Variants in FAM3B observed in about 807,000 individuals in gnomAD.
FAM3B encodes FAM3 metabolism regulating signaling molecule B.
FAM3B carries 29 observed loss-of-function variants against 28.4 expected under a neutral mutation model. That is an observed-to-expected ratio of 1.02 (90% CI 0.76 to 1.39). The LOEUF is 1.39. Among genes scored for constraint, FAM3B ranks in the 40% most tolerant of loss-of-function variants. FAM3B has a pLI of 0.00. For missense variants in FAM3B, 266 were observed against 293.9 expected (o/e 0.91, Z 0.69); for synonymous variants, 91 against 103.0 (o/e 0.88, Z 0.71).
intron 1 of FAM3B, 54 bp from the exon 2 acceptor site, chr21:41,322,869 G>A: frequency 3.1e-6 from 5 of 1,614,132 alleles, no homozygotes; most frequent in African/African-American, 1.3e-5. Context: ...GAGGGCCAAG[G>A]GCCAGGGCCG....
chr21:41,355,781 A>C (rs2189512), intron 7 of FAM3B, among the ~76,000 whole-genome samples: 35,685 of 152,088 alleles, frequency 0.23, 5,488 homozygotes, highest in African/African-American at 0.44. Flanking sequence ...GTCTGTGACC[A>C]TGCTAAAACC....
intron 7 of FAM3B, among the ~76,000 whole-genome samples, chr21:41,352,574 C>T (rs2145834478): frequency 1.3e-5 from 2 of 152,180 alleles, no homozygotes; most frequent in Middle Eastern, 6.8e-3. Flanking sequence ...GCAGGCGGAT[C>T]ACGAGGTCAG....
chr21:41,335,950 T>C (rs928321889), intron 2 of FAM3B, among the ~76,000 whole-genome samples: 4 of 152,206 alleles, frequency 2.6e-5, no homozygotes, highest in Non-Finnish European at 5.9e-5. Flanking sequence ...CTCTACCCAG[T>C]GTTGATGTCC....
rs776326598 is a variant in FAM3B, at chr21:41,347,098, A to C, written c.483A>C (p.Thr161=). The part of the protein sequence containing the change: ...LFMVTYDDGS[T]RLNNDAKNAI... ...TGGTGACCTATGACGACGGAAGCACAAGGTGAGTGGGTGTAGGTCTGTCAC... is the reference window on the plus strand; with the variant it reads ...TGGTGACCTATGACGACGGAAGCACCAGGTGAGTGGGTGTAGGTCTGTCAC... The change falls in exon 6 of 8, where the codon ACA becomes ACC. Residue 161 remains threonine (T), a splice_region_variant and synonymous_variant. Transcript: ENST00000357985. 2.5e-6 allele frequency: 4 copies of C among 1,613,944 alleles called. No individual in the cohort carries two copies. In the African/African-American group the frequency reaches 5.3e-5, roughly 22 times the overall value.
At chr21:41,329,122 A>C (rs528087080) in intron 2 of FAM3B, among the ~76,000 whole-genome samples, 4 of 152,344 alleles carry the variant, frequency 2.6e-5, no homozygotes, top group Admixed American at 2.6e-4. Context: ...TTATGCGATG[A>C]AAACACTTAA....
At chr21:41,355,322 T>C (rs1386098346) in intron 7 of FAM3B, among the ~76,000 whole-genome samples, 1 of 152,164 alleles carries the variant, frequency 6.6e-6, no homozygotes, top group East Asian at 1.9e-4. Context: ...CTCTTGTAGG[T>C]ATATACCCAA....
upstream of FAM3B, among the ~76,000 whole-genome samples, chr21:41,315,244 T>C (rs772085072): frequency 2.0e-5 from 3 of 152,076 alleles, no homozygotes; most frequent in Non-Finnish European, 4.4e-5. Context: ...CTCAACTTCA[T>C]AGAAAAAGCA....
intron 7 of FAM3B, among the ~76,000 whole-genome samples, chr21:41,353,715 A>T (rs1369111560): frequency 6.6e-6 from 1 of 152,236 alleles, no homozygotes; most frequent in Non-Finnish European, 1.5e-5. Flanking sequence ...CTTAGAGGAA[A>T]ACAGAGGCAT....
In FAM3B at chr21:41,345,747, T is replaced by G. The variant is rs1381728141; in HGVS notation, c.397+11T>G. ...ATATGTATGAAGGTGGTAAGAAAAT[T>G]TTTTCTGTTAAAATTCAAATGAATT... is the stretch of plus-strand genomic sequence containing the variant. On this transcript the variant is annotated intron_variant, in intron 5 of 7. Transcript: ENST00000357985. The G allele has an allele frequency of 6.7e-7, 1 of 1,502,824 alleles. No individual in the cohort carries two copies. Among genetic ancestry groups the G allele is most frequent in the Non-Finnish European group, 9.2e-7 (1 of 1,087,436 alleles). 93.1% of individuals were successfully genotyped at this position (1,502,824 alleles called of 1,614,324 possible).
chr21:41,323,330 C>T (rs963991820), intron 2 of FAM3B, among the ~76,000 whole-genome samples: 4 of 152,202 alleles, frequency 2.6e-5, no homozygotes, highest in Non-Finnish European at 4.4e-5. Context: ...GTGCTCTTTC[C>T]GCCCAGATCT....
In FAM3B at chr21:41,345,668, C is replaced by A; in HGVS notation, c.347-18C>A. On this transcript the variant is annotated intron_variant, in intron 4 of 7. Transcript: ENST00000357985. Reference sequence around the variant, plus strand: ...TTCTGTGAACTTTCTTTTAAAATACCATTTCTTTTATTTTCAGATGTAACT... The same window carrying A: ...TTCTGTGAACTTTCTTTTAAAATACAATTTCTTTTATTTTCAGATGTAACT... 2 of 1,510,738 alleles carry A rather than the reference C, an allele frequency of 1.3e-6. No individual in the cohort carries two copies. The highest frequency in any genetic ancestry group is 1.3e-5 in the South Asian group (1 of 77,588). The allele number at this position is 1,510,738 out of a possible 1,614,324, so 93.6% of individuals were successfully genotyped here.
chr21:41,328,756 G>A (rs1037223979), intron 2 of FAM3B, among the ~76,000 whole-genome samples: 1 of 152,194 alleles, frequency 6.6e-6, no homozygotes, highest in Non-Finnish European at 1.5e-5. Context: ...CTGGAGTGTT[G>A]AGATGAGACG....
intron 2 of FAM3B, among the ~76,000 whole-genome samples, chr21:41,336,583 A>G (rs1286850566): frequency 2.0e-5 from 3 of 152,166 alleles, no homozygotes; most frequent in African/African-American, 7.2e-5. Flanking sequence ...AGCCTAAGGT[A>G]TTTTTTTAAA....
upstream of FAM3B, among the ~76,000 whole-genome samples, chr21:41,315,833 G>A (rs1391997584): frequency 6.6e-6 from 1 of 152,196 alleles, no homozygotes; most frequent in Non-Finnish European, 1.5e-5. Context: ...AAGCCCACCA[G>A]GGTGACCCAC....
rs980064248 is a variant in FAM3B, at chr21:41,326,630, G to A, written c.163+3564G>A. Among the ~76,000 whole-genome samples, 8 of 152,236 alleles carry A rather than the reference G, an allele frequency of 5.3e-5. No individual in the cohort carries two copies. The highest frequency in any genetic ancestry group is 1.2e-4 in the Non-Finnish European group (8 of 68,030). On this transcript the variant is annotated intron_variant, in intron 2 of 7. Transcript: ENST00000357985. This position sits in a 1 kb window ranked among gnomAD's most constrained non-coding sequence, Gnocchi z 4.0. ...CAGGCCCTGGCGTGGGGACCTGCTC[G>A]TTCTGCTGCCGATCCCGTAGGGGAA... is the stretch of plus-strand genomic sequence containing the variant.
intron 2 of FAM3B, among the ~76,000 whole-genome samples, chr21:41,335,178 G>GGGACTTT (rs1192240316): frequency 6.6e-6 from 1 of 152,130 alleles, no homozygotes; most frequent in African/African-American, 2.4e-5. Context: ...GATGAGACTT[G>GGGACTTT]GGACTTTGGA....
intron 2 of FAM3B, among the ~76,000 whole-genome samples, chr21:41,325,205 C>T (rs2088845302): frequency 1.3e-5 from 2 of 152,206 alleles, no homozygotes; most frequent in Non-Finnish European, 2.9e-5. Flanking sequence ...AATGCACACC[C>T]AGCCATACTA....
chr21:41,338,617 A>G, intron 3 of FAM3B, 116 bp downstream of exon 3: 1 of 1,381,948 alleles, frequency 7.2e-7, no homozygotes, highest in Non-Finnish European at 9.7e-7. Flanking sequence ...CGTTGGTCTC[A>G]GGCAAAAGGC....
chr21:41,305,261 T>C (rs1371140005), intron 1 of FAM3B, among the ~76,000 whole-genome samples: 1 of 151,930 alleles, frequency 6.6e-6, no homozygotes, highest in Non-Finnish European at 1.5e-5. Flanking sequence ...CATGCAGAGG[T>C]ATAGGCGATA....
Sources: gnomAD v4.1 joint callset for allele counts (sites outside exome capture counted in the v4.1 genomes callset) on GRCh38, gnomAD v4.1.1 for gene constraint, Gnocchi (gnomAD v3.1) non-coding constraint, MANE v1.5 for transcripts, NCBI Gene and HGNC (gene_info 2026-07-23, HGNC 2026-07-21) for gene names.